The following FAT1 variants were observed in gnomAD, a reference collection of about 807,000 sequenced individuals.
FAT1 encodes the protein protocadherin Fat 1.
A neutral mutation model predicts 329.8 loss-of-function variants in FAT1; 171 were observed. That is an observed-to-expected ratio of 0.52 (90% CI 0.46 to 0.59). The LOEUF (loss-of-function observed/expected upper bound fraction) is 0.59. Among genes scored for constraint, FAT1 ranks in the 20% least tolerant of loss-of-function variants. The probability of loss-of-function intolerance (pLI) is 0.00; values close to 1 mark genes in which losing one functional copy is unlikely to be tolerated. For missense variants in FAT1, 5,672 were observed against 5,774.4 expected (o/e 0.98, Z 0.57); for synonymous variants, 2,233 against 2,228.6 (o/e 1.00, Z -0.06).
At chr4:186,715,129 T>C (rs1579503079) in intron 1 of FAT1, among the ~76,000 whole-genome samples, 1 of 145,264 alleles carries the variant, frequency 6.9e-6, no homozygotes, top group African/African-American at 2.7e-5. Flanking sequence ...TCCCCCTCCA[T>C]CCCCCCACCA....
intron 3 of FAT1, among the ~76,000 whole-genome samples, chr4:186,646,646 C>T (rs1308660313): frequency 4.6e-5 from 7 of 151,992 alleles, no homozygotes; most frequent in Admixed American, 3.9e-4. Context: ...ATTCAAAATC[C>T]TTTTCTGTGG....
In FAT1 at chr4:186,589,074, A is replaced by G. The variant is rs2126355439; in HGVS notation, c.13285T>C (p.Tyr4429His). The G allele has an allele frequency of 6.2e-7, 1 of 1,613,904 alleles. No individual in the cohort carries two copies. The highest frequency in any genetic ancestry group is 1.1e-5 in the South Asian group (1 of 91,072). The change falls in exon 27 of 27, where the codon TAC (tyrosine) becomes CAC (histidine). Residue 4429 changes from tyrosine (Y) to histidine (H), a missense_variant. Tyr to His is a moderately conservative substitution (Grantham distance 83). Coordinates refer to ENST00000441802, the MANE Select transcript of FAT1 (RefSeq NM_005245.4). ...GGAGGAAAATCACTTTCGATGTCGT[A>G]GCCTCCAGGGTAATAGTCCGTATCG... is the stretch of plus-strand genomic sequence containing the variant. ...AIDTDYYPGG[Y>H]DIESDFPPPP...
intron 14 of FAT1, among the ~76,000 whole-genome samples, chr4:186,610,619 TA>T (rs1219154712): frequency 1.6e-5 from 2 of 125,908 alleles, no homozygotes; most frequent in South Asian, 2.2e-4. Context: ...ATAAATTATA[TA>T]AATATAAATT....
At position 186,619,164 on chromosome 4, in the gene FAT1, A is replaced by G; in HGVS notation, c.7422T>C (p.Ser2474=). The change falls in exon 10 of 27, where the codon AGT becomes AGC. Residue 2474 remains serine, a synonymous_variant. Transcript: ENST00000441802. ...TTACAGTTACATGAACCTGGGTGGAACTTCTAAAAACTCCATCAGACACTG... is the reference window on the plus strand; with the variant it reads ...TTACAGTTACATGAACCTGGGTGGAGCTTCTAAAAACTCCATCAGACACTG... ...NLSVSDGVFR[S]STQVHVTVIG... is the part of the protein sequence containing the mutation. 6.2e-7 allele frequency: 1 copy of G among 1,613,972 alleles called. No individual in the cohort carries two copies. The highest frequency in any genetic ancestry group is 8.5e-7 in the Non-Finnish European group (1 of 1,179,892).
chr4:186,650,397 T>C (rs1447397990), intron 3 of FAT1, among the ~76,000 whole-genome samples: 1 of 152,198 alleles, frequency 6.6e-6, no homozygotes, highest in Non-Finnish European at 1.5e-5. Flanking sequence ...TCTAGCTTCA[T>C]GCCTGTAACA....
In FAT1 at chr4:186,596,843, A is replaced by T. The variant is rs2126390809; in HGVS notation, c.12697T>A (p.Phe4233Ile). Residue 4233 changes from phenylalanine (F) to isoleucine (I), a missense_variant, in exon 25 of 27, where the codon TTT becomes ATT. Coordinates refer to ENST00000441802, the MANE Select transcript of FAT1 (RefSeq NM_005245.4). This position sits in a 1 kb window ranked among gnomAD's most constrained non-coding sequence, Gnocchi z 4.7. The part of the protein sequence containing the change: ...PATAFLQRPY[F>I]DSKLNKNIYS... ...ATGTTCTTATTTAGCTTGGAATCAAAATACGGTCTTTGCAAGAAAGCCGTA... is the reference window on the plus strand; with the variant it reads ...ATGTTCTTATTTAGCTTGGAATCAATATACGGTCTTTGCAAGAAAGCCGTA... The T allele has an allele frequency of 6.2e-7, 1 of 1,614,006 alleles. No individual in the cohort carries two copies. The highest frequency in any genetic ancestry group is 8.5e-7 in the Non-Finnish European group (1 of 1,179,888).
chr4:186,630,993 A>T (rs1378987052), intron 7 of FAT1, among the ~76,000 whole-genome samples: 2 of 152,208 alleles, frequency 1.3e-5, no homozygotes, highest in Non-Finnish European at 2.9e-5. Context: ...CACACGCAGG[A>T]CAGGAAAGCC....
Position 186,618,104 on chromosome 4 carries a change from C to A in FAT1, c.8482G>T (p.Val2828Leu), listed in dbSNP as rs754757646. ...IVENLPGGSRVIQIRASDADS... is the reference protein window; with the variant it reads ...IVENLPGGSRLIQIRASDADS... The stretch of plus-strand genomic sequence containing the variant: ...GCATCAGATGCCCTGATCTGAATTA[C>A]TCTACTTCCCCCTGGCAGGTTTTCA... The change falls in exon 10 of 27, where the codon GTA (valine) becomes TTA (leucine). Residue 2828 changes from valine (V) to leucine (L), a missense_variant. Coordinates refer to ENST00000441802, the MANE Select transcript of FAT1 (RefSeq NM_005245.4). 12 of 1,613,928 alleles carry A rather than the reference C, an allele frequency of 7.4e-6. No homozygotes were observed. In the Admixed American group the frequency reaches 2.0e-4, roughly 27 times the overall value.
chr4:186,723,004 A>T (rs899216193), intron 1 of FAT1, among the ~76,000 whole-genome samples: 1 of 152,240 alleles, frequency 6.6e-6, no homozygotes, highest in African/African-American at 2.4e-5. Flanking sequence ...GGGAACAAAA[A>T]AATCTAACAC....
At chr4:186,594,122 G>A (rs1214820351) in intron 26 of FAT1, among the ~76,000 whole-genome samples, 1 of 151,862 alleles carries the variant, frequency 6.6e-6, no homozygotes, top group Non-Finnish European at 1.5e-5. Flanking sequence ...CTGGAGTGCA[G>A]TGGCGTGACC....
At position 186,620,024 on chromosome 4, in the gene FAT1, T is replaced by C. The variant is rs377341263; in HGVS notation, c.6562A>G (p.Ser2188Gly). The stretch of plus-strand genomic sequence containing the variant: ...TGGATGCTCTCTGCAATCTCTGCAC[T>C]GTAGAAAGGTTTTTCAAACACAGGC... ...AMPVFEKPFYSAEIAESIQVH... is the reference protein window; with the variant it reads ...AMPVFEKPFYGAEIAESIQVH... The change falls in exon 10 of 27, where the codon AGT (serine) becomes GGT (glycine). Residue 2188 changes from serine to glycine, a missense_variant. By Grantham distance (56) the Ser-to-Gly change is moderately conservative (BLOSUM62 0). Coordinates refer to ENST00000441802, the MANE Select transcript of FAT1 (RefSeq NM_005245.4). 5.6e-6 allele frequency: 9 copies of C among 1,613,896 alleles called. No individual in the cohort carries two copies. The East Asian group carries it at 8.9e-5, about 16-fold the overall frequency.
chr4:186,701,375 G>A (rs1188605989), intron 2 of FAT1, among the ~76,000 whole-genome samples: 1 of 152,170 alleles, frequency 6.6e-6, no homozygotes, highest in Non-Finnish European at 1.5e-5. Context: ...CAGTCTCCCT[G>A]TGGCTGGGAA....
chr4:186,596,190 A>G lies in FAT1; in HGVS notation c.13000+350T>C, dbSNP rs1444509871. 6.6e-6 allele frequency among the ~76,000 whole-genome samples: 1 copy of G among 152,208 alleles called. No homozygotes were observed. Among genetic ancestry groups the G allele is most frequent in the Non-Finnish European group, 1.5e-5 (1 of 68,036 alleles). The stretch of plus-strand genomic sequence containing the variant: ...CTAATATAAATATTTCCACTTCGCC[A>G]GGTCATATTTTTAAAAATCCTAGCA... On this transcript the variant is annotated intron_variant, in intron 25 of 26. Transcript: ENST00000441802. The surrounding 1 kb of genome is among the most constrained non-coding windows in gnomAD (Gnocchi z 4.7).
chr4:186,602,928 G>T lies in FAT1; in HGVS notation c.11457C>A (p.Pro3819=). 6 of 1,613,926 alleles carry T rather than the reference G, an allele frequency of 3.7e-6. No homozygotes were observed. Among genetic ancestry groups the T allele is most frequent in the Non-Finnish European group, 5.1e-6 (6 of 1,179,850 alleles). Residue 3819 remains proline, a synonymous_variant, in exon 20 of 27, where the codon CCC becomes CCA. Coordinates refer to ENST00000441802, the MANE Select transcript of FAT1 (RefSeq NM_005245.4). ...CTGGGCACTGACCAAACCTGCCGCT[G>T]GGACAGACACAGGTGTGTTTCTCCT... is the stretch of plus-strand genomic sequence containing the variant. The part of the protein sequence containing the change: ...PWEEKHTCVC[P]SGRFGQCPGS...
chr4:186,617,745 A>G lies in FAT1; in HGVS notation c.8841T>C (p.Ser2947=), dbSNP rs373198263. The G allele has an allele frequency of 2.4e-5, 38 of 1,607,944 alleles. No homozygotes were observed. The African/African-American group carries it at 4.8e-4, about 20-fold the overall frequency. The part of the protein sequence containing the change: ...IAILSTTDAD[S]EEINRQVTYF... ...ATGTAACTTGTCTGTTGATCTCTTCAGAATCAGCATCCGTGGTACTTAAGA... is the reference window on the plus strand; with the variant it reads ...ATGTAACTTGTCTGTTGATCTCTTCGGAATCAGCATCCGTGGTACTTAAGA... Residue 2947 remains serine (S), a synonymous_variant, in exon 10 of 27, where the codon TCT becomes TCC. Coordinates refer to ENST00000441802, the MANE Select transcript of FAT1 (RefSeq NM_005245.4).
Position 186,596,396 on chromosome 4 carries a change from A to G in FAT1, c.13000+144T>C. 1 of 886,516 alleles carries G rather than the reference A, an allele frequency of 1.1e-6. No individual in the cohort carries two copies. Among genetic ancestry groups the G allele is most frequent in the Non-Finnish European group, 1.7e-6 (1 of 598,846 alleles). 54.9% of individuals were successfully genotyped at this position (886,516 alleles called of 1,614,324 possible). A position where few individuals can be genotyped will look rare whatever the true frequency, so the allele number is the denominator to read the frequency against. On this transcript the variant is annotated intron_variant, in intron 25 of 26. Transcript: ENST00000441802. This position sits in a 1 kb window ranked among gnomAD's most constrained non-coding sequence, Gnocchi z 4.7. ...TGCTAACCCAGCAATCGGGACATCCAAAAAAGTTTCAAATCATCATACGGA... is the reference window on the plus strand; with the variant it reads ...TGCTAACCCAGCAATCGGGACATCCGAAAAAGTTTCAAATCATCATACGGA...
At chr4:186,693,689 G>A (rs1743900369) in intron 2 of FAT1, among the ~76,000 whole-genome samples, 1 of 104,294 alleles carries the variant, frequency 9.6e-6, no homozygotes, top group Non-Finnish European at 1.9e-5. Context: ...TGACCCAAAT[G>A]AGTGGAGGCT....
chr4:186,716,756 A>G (rs1745226366), intron 1 of FAT1, among the ~76,000 whole-genome samples: 1 of 152,162 alleles, frequency 6.6e-6, no homozygotes, highest in East Asian at 1.9e-4. Flanking sequence ...GAAGTTGTCA[A>G]GAGATTATGA....
At position 186,645,401 on chromosome 4, in the gene FAT1, A is replaced by C. The variant is rs1157212874; in HGVS notation, c.3581-5618T>G. Among the ~76,000 whole-genome samples the C allele has an allele frequency of 5.1e-4, 52 of 102,932 alleles. 1 individual carries two copies. The highest frequency in any genetic ancestry group is 2.0e-3 in the African/African-American group (51 of 26,146). The allele number at this position is 102,932 out of a possible 152,430, so 67.5% of individuals were successfully genotyped here. On this transcript the variant is annotated intron_variant, in intron 3 of 26. Transcript: ENST00000441802. ...TATATATATATATATATATATATAT[A>C]TATATATATATATATATATATGCCT...
Sources: allele counts gnomAD v4.1 joint callset (sites outside exome capture counted in the v4.1 genomes callset), GRCh38; gene constraint gnomAD v4.1.1; non-coding constraint Gnocchi (gnomAD v3.1); transcripts MANE v1.5; gene names NCBI Gene and HGNC (gene_info 2026-07-23, HGNC 2026-07-21).